COL4A6: variants seen among roughly 807,000 people sequenced by gnomAD.
COL4A6 encodes collagen type IV alpha 6 chain, also known as collagen alpha-6(IV) chain.
COL4A6 carries 59 observed loss-of-function variants against 126.7 expected under a neutral mutation model. That is an observed-to-expected ratio of 0.47 (90% CI 0.38 to 0.58). COL4A6 has a LOEUF of 0.58. Ranked by LOEUF, COL4A6 falls within the 20% of genes least tolerant of loss-of-function variation. COL4A6 has a pLI of 0.00. For missense variants in COL4A6, 1,285 were observed against 1,337.3 expected (o/e 0.96, Z 0.61); for synonymous variants, 547 against 496.6 (o/e 1.10, Z -1.35).
In COL4A6 at chrX:108,167,868, T is replaced by C. The variant is rs935421350; in HGVS notation, c.3691+1627A>G. ...GTTTCAACCACTCAACTTAAGAAGA[T>C]GTCACTTGTTTTGAATTTCCTTGTG... On this transcript the variant is annotated intron_variant, in intron 37 of 44. Transcript: ENST00000334504. 2.5e-4 allele frequency among the ~76,000 whole-genome samples: 28 copies of C among 112,403 alleles called. No homozygotes were observed. In the Middle Eastern group the frequency reaches 0.014, roughly 55 times the overall value.
At chrX:108,195,154 A>C (rs1382648162) in intron 14 of COL4A6, 28 bp from the exon 15 acceptor site, 1 of 1,146,945 alleles carries the variant, frequency 8.7e-7, no homozygotes, top group Non-Finnish European at 1.2e-6. Context: ...ACACCTTAGA[A>C]ACAGCAATAG....
chrX:108,156,908 G>T lies in COL4A6; in HGVS notation c.*92C>A. ...AATGTACAACTTGACAGGCAAAGGG[G>T]CTCAGGCCTTCCTTCTTCAGACCAT... On this transcript the variant is annotated 3_prime_UTR_variant, in exon 45 of 45. Coordinates refer to ENST00000334504, the MANE Select transcript of COL4A6 (RefSeq NM_033641.4). 1.1e-6 allele frequency: 1 copy of T among 931,767 alleles called. No homozygotes were observed. 76.8% of individuals were successfully genotyped at this position (931,767 alleles called of 1,213,427 possible).
At chrX:108,339,748 T>C (rs2039514535) in intron 2 of COL4A6, among the ~76,000 whole-genome samples, 1 of 111,613 alleles carries the variant, frequency 9.0e-6, no homozygotes, top group South Asian at 3.8e-4. Context: ...CTCTCTGACC[T>C]GCCTTGCACT....
At chrX:108,392,678 T>G (rs2040864162) in intron 2 of COL4A6, among the ~76,000 whole-genome samples, 1 of 111,293 alleles carries the variant, frequency 9.0e-6, no homozygotes, top group Non-Finnish European at 1.9e-5. Context: ...TATTAGGAAT[T>G]AGGGCCTTCA....
At chrX:108,205,764 T>G (rs1189972695) in intron 9 of COL4A6, 69 bp from the exon 10 acceptor site, 1 of 910,606 alleles carries the variant, frequency 1.1e-6, no homozygotes, top group Non-Finnish European at 1.6e-6. Context: ...CACGGCATGT[T>G]GAGAGTCACT....
intron 3 of COL4A6, among the ~76,000 whole-genome samples, chrX:108,294,576 A>G (rs2038268199): frequency 9.0e-6 from 1 of 110,838 alleles, no homozygotes; most frequent in Admixed American, 9.6e-5. Flanking sequence ...CCTATGAATG[A>G]AAATGAAAAT....
At chrX:108,176,014 C>CA (rs1362082569) in intron 28 of COL4A6, among the ~76,000 whole-genome samples, 1 of 110,494 alleles carries the variant, frequency 9.1e-6, no homozygotes, top group East Asian at 2.8e-4. Flanking sequence ...TGGCACTACA[C>CA]AATACAAAGG....
intron 40 of COL4A6, 157 bp from the exon 41 acceptor site, chrX:108,163,195 T>C: frequency 2.3e-6 from 1 of 440,134 alleles, no homozygotes; most frequent in African/African-American, 2.6e-5. Flanking sequence ...TGTGTGATAT[T>C]ATACAATCTT....
At chrX:108,325,443 T>A (rs1003318689) in intron 2 of COL4A6, among the ~76,000 whole-genome samples, 1 of 111,934 alleles carries the variant, frequency 8.9e-6, no homozygotes, top group African/African-American at 3.2e-5. Flanking sequence ...CCTTATCTAT[T>A]AAAGAAATTG....
chrX:108,360,630 G>A (rs1303613847), intron 2 of COL4A6, among the ~76,000 whole-genome samples: 2 of 105,961 alleles, frequency 1.9e-5, no homozygotes, highest in African/African-American at 3.5e-5. Context: ...TCCGCCTCCC[G>A]GGCTCAAGCC....
At chrX:108,380,431 G>A (rs1266591629) in intron 2 of COL4A6, among the ~76,000 whole-genome samples, 4 of 112,287 alleles carry the variant, frequency 3.6e-5, no homozygotes, top group Non-Finnish European at 7.5e-5. Context: ...ATTGGCCTAC[G>A]CGTTGTTTAC....
chrX:108,225,119 T>C (rs759102704), intron 3 of COL4A6, among the ~76,000 whole-genome samples: 1 of 111,260 alleles, frequency 9.0e-6, no homozygotes, highest in Non-Finnish European at 1.9e-5. Flanking sequence ...AGGAACGGCA[T>C]GGAACTAAAC....
At chrX:108,377,726 G>A (rs185952927) in intron 2 of COL4A6, among the ~76,000 whole-genome samples, 1 of 107,869 alleles carries the variant, frequency 9.3e-6, no homozygotes, top group African/African-American at 3.4e-5. Context: ...TCAGGAGATC[G>A]AGACCATCCT....
chrX:108,172,461 C>T lies in COL4A6; in HGVS notation c.3202+8G>A. ...AAAACATTAAAAGAAAAAAAAAATG[C>T]TCCTTACCTTTCAGGCCTGGGAGAC... On this transcript the variant is annotated splice_region_variant and intron_variant, in intron 32 of 44. Coordinates refer to ENST00000334504, the MANE Select transcript of COL4A6 (RefSeq NM_033641.4). The T allele has an allele frequency of 8.5e-7, 1 of 1,170,803 alleles. No homozygotes were observed.
intron 2 of COL4A6, chrX:108,383,415 C>T (rs953558519): frequency 1.2e-5 from 6 of 493,411 alleles, no homozygotes; most frequent in African/African-American, 2.3e-5. Context: ...GCATCCTCAA[C>T]CCTGATGGCT....
At chrX:108,292,137 C>CGGG (rs1223917425) in intron 3 of COL4A6, among the ~76,000 whole-genome samples, 1 of 112,038 alleles carries the variant, frequency 8.9e-6, no homozygotes, top group African/African-American at 3.2e-5. Context: ...TGGTCTGAAA[C>CGGG]ATAATTCCAT....
At chrX:108,306,856 T>C (rs1355646207) in intron 3 of COL4A6, among the ~76,000 whole-genome samples, 1 of 111,268 alleles carries the variant, frequency 9.0e-6, no homozygotes, top group African/African-American at 3.3e-5. Context: ...CTTCTTTAGA[T>C]GGCATGGATA....
At chrX:108,273,936 A>T (rs777844959) in intron 3 of COL4A6, among the ~76,000 whole-genome samples, 1 of 111,722 alleles carries the variant, frequency 9.0e-6, no homozygotes, top group African/African-American at 3.2e-5. Flanking sequence ...TTTATATATA[A>T]TTTTTTTTCA....
intron 2 of COL4A6, among the ~76,000 whole-genome samples, chrX:108,361,347 T>C (rs948926615): frequency 6.3e-5 from 7 of 111,254 alleles, no homozygotes; most frequent in African/African-American, 2.3e-4. Flanking sequence ...AATAAAAGGA[T>C]AGGGAGGGAA....
Sources: allele counts gnomAD v4.1 joint callset (sites outside exome capture counted in the v4.1 genomes callset), GRCh38; gene constraint gnomAD v4.1.1; transcripts MANE v1.5; gene names NCBI Gene and HGNC (gene_info 2026-07-23, HGNC 2026-07-21).